The following PACS2 variants were observed in gnomAD, a reference collection of about 807,000 sequenced individuals.
PACS2 encodes the protein PACS1-like protein.
In PACS2, 36 loss-of-function variants were observed where a neutral mutation model predicts 113.0. The ratio of observed to expected loss-of-function variants is 0.32; its 90% CI spans 0.24 to 0.42. The LOEUF (loss-of-function observed/expected upper bound fraction) is 0.42. PACS2 is among the 10% of genes least tolerant of loss of function. The probability of loss-of-function intolerance (pLI) is 1.00; values close to 1 mark genes in which losing one functional copy is unlikely to be tolerated. For synonymous variants in PACS2, 589 were observed against 536.1 expected (o/e 1.10, Z -1.36); for missense variants, 1,015 against 1,239.5 (o/e 0.82, Z 2.72).
chr14:105,391,531 A>G, intron 21 of PACS2, 100 bp from the exon 22 acceptor site: 2 of 366,916 alleles, frequency 5.5e-6, no homozygotes, highest in South Asian at 4.1e-5. Context: ...GCCCACCCCC[A>G]GGAGCTGCCT....
Position 105,368,129 on chromosome 14 carries a change from C to T in PACS2, c.642C>T (p.Asp214=), listed in dbSNP as rs782133342. Residue 214 remains aspartate, a synonymous_variant, in exon 6 of 25, where the codon GAC becomes GAT. Transcript: ENST00000447393. ...TCTCCTCCGAGCAGGAGGCCAGTGACGACGCCGTGCAGGGGCAGGTGACCT... is the reference window on the plus strand; with the variant it reads ...TCTCCTCCGAGCAGGAGGCCAGTGATGACGCCGTGCAGGGGCAGGTGACCT... ...ESFSSEQEAS[D]DAVQGQDLDE... The T allele has an allele frequency of 9.9e-6, 16 of 1,609,482 alleles. No homozygotes were observed. In the East Asian group the frequency reaches 1.1e-4, roughly 11 times the overall value.
chr14:105,368,077 A>T lies in PACS2; in HGVS notation c.590A>T (p.Asn197Ile). The change falls in exon 6 of 25, where the codon AAC (asparagine) becomes ATC (isoleucine). Residue 197 changes from asparagine to isoleucine, a missense_variant. By Grantham distance (149) the Asn-to-Ile change is moderately radical. Transcript: ENST00000447393. ...CTTCTGTCTGTTCATTCCGCAGATAACTACTCCGAGGAGGAGTATGAGAGC... is the reference window on the plus strand; with the variant it reads ...CTTCTGTCTGTTCATTCCGCAGATATCTACTCCGAGGAGGAGTATGAGAGC... ...QAGPKAKSTD[N>I]YSEEEYESFS... The T allele has an allele frequency of 6.2e-7, 1 of 1,603,532 alleles. No homozygotes were observed. The highest frequency in any genetic ancestry group is 1.3e-5 in the African/African-American group (1 of 74,864).
chr14:105,349,450 G>A (rs1555403403), intron 2 of PACS2, among the ~76,000 whole-genome samples: 1 of 152,232 alleles, frequency 6.6e-6, no homozygotes, highest in Non-Finnish European at 1.5e-5. Context: ...TGGAGCCCAT[G>A]TCCAAGGCCC....
chr14:105,313,187 G>A (rs1426523065), upstream of PACS2, among the ~76,000 whole-genome samples: 7 of 152,168 alleles, frequency 4.6e-5, no homozygotes, highest in African/African-American at 1.2e-4. Context: ...TGTGTCAGGC[G>A]GCCCATCCGT....
At chr14:105,391,516 A>ACCCCCCCCCCCC in intron 21 of PACS2, 115 bp from the exon 22 acceptor site, 1 of 453,624 alleles carries the variant, frequency 2.2e-6, no homozygotes, top group Non-Finnish European at 4.1e-6. Context: ...GGGGACTCCC[A>ACCCCCCCCCCCC]CCCTGCCCAC....
At chr14:105,370,021 C>T in intron 8 of PACS2, 121 bp downstream of exon 8, 1 of 873,576 alleles carries the variant, frequency 1.1e-6, no homozygotes. Flanking sequence ...TCTGCACGGC[C>T]CCGCCAGCAT....
At chr14:105,362,851 AAAT>A (rs1379313115) in intron 4 of PACS2, among the ~76,000 whole-genome samples, 1 of 152,188 alleles carries the variant, frequency 6.6e-6, no homozygotes, top group Admixed American at 6.5e-5. Context: ...ACTCCAACTC[AAAT>A]AATAATAAGA....
At chr14:105,302,770 G>T (rs954791411) in intron 1 of PACS2, among the ~76,000 whole-genome samples, 1 of 151,750 alleles carries the variant, frequency 6.6e-6, no homozygotes, top group Non-Finnish European at 1.5e-5. Flanking sequence ...TGTAGAGATG[G>T]GTTTTTGCCT....
Position 105,376,047 on chromosome 14 carries a change from G to T in PACS2, c.802-721G>T, listed in dbSNP as rs1331034965. ...TATGGGGCAGCAGGTCGGAGTGGGT[G>T]CCTGCAGGGGAAATACAAGATGCTT... On this transcript the variant is annotated intron_variant, in intron 8 of 24. Coordinates refer to ENST00000447393, the MANE Select transcript of PACS2 (RefSeq NM_001100913.3). This position sits in a 1 kb window ranked among gnomAD's most constrained non-coding sequence, Gnocchi z 4.7. 6.6e-6 allele frequency among the ~76,000 whole-genome samples: 1 copy of T among 152,180 alleles called. No individual in the cohort carries two copies. The highest frequency in any genetic ancestry group is 2.1e-4 in the South Asian group (1 of 4,830).
chr14:105,365,283 G>A lies in PACS2; in HGVS notation c.424-1930G>A, dbSNP rs1220555198. Among the ~76,000 whole-genome samples, 1 of 152,228 alleles carries A rather than the reference G, an allele frequency of 6.6e-6. No individual in the cohort carries two copies. Among genetic ancestry groups the A allele is most frequent in the Non-Finnish European group, 1.5e-5 (1 of 68,040 alleles). On this transcript the variant is annotated intron_variant, in intron 4 of 24. Transcript: ENST00000447393. This position sits in a 1 kb window ranked among gnomAD's most constrained non-coding sequence, Gnocchi z 5.1. ...CAGCTCAGGGGTGGCTGGCCCCTTG[G>A]CAGGAGGACGCACGCCCCAAGGAGC...
Position 105,384,995 on chromosome 14 carries a change from G to C in PACS2, c.2000+8G>C. 1 of 1,501,566 alleles carries C rather than the reference G, an allele frequency of 6.7e-7. No individual in the cohort carries two copies. The highest frequency in any genetic ancestry group is 9.1e-7 in the Non-Finnish European group (1 of 1,099,666). 93.0% of individuals were successfully genotyped at this position (1,501,566 alleles called of 1,614,324 possible). On this transcript the variant is annotated splice_region_variant and intron_variant, in intron 18 of 24. Transcript: ENST00000447393. ...GACCTACAAGCAGAAGAGGTAACGCGGTGGGCCCAGGCACCATACCACAGG... is the reference window on the plus strand; with the variant it reads ...GACCTACAAGCAGAAGAGGTAACGCCGTGGGCCCAGGCACCATACCACAGG...
intron 1 of PACS2, among the ~76,000 whole-genome samples, chr14:105,347,534 T>G (rs1469766977): frequency 6.6e-6 from 1 of 152,092 alleles, no homozygotes; most frequent in Non-Finnish European, 1.5e-5. Context: ...GTGCCACAAG[T>G]CCAGACTTCC....
Position 105,356,794 on chromosome 14 carries a change from G to A in PACS2, c.423+1617G>A, listed in dbSNP as rs1303374086. Reference sequence around the variant, plus strand: ...AGGCGAGGTCCTGCTGATCCCTGCCGGTCCCTGTGTTTCCCATTAGCCATG... The same window carrying A: ...AGGCGAGGTCCTGCTGATCCCTGCCAGTCCCTGTGTTTCCCATTAGCCATG... On this transcript the variant is annotated intron_variant, in intron 4 of 24. Coordinates refer to ENST00000447393, the MANE Select transcript of PACS2 (RefSeq NM_001100913.3). This position sits in a 1 kb window ranked among gnomAD's most constrained non-coding sequence, Gnocchi z 4.0. Among the ~76,000 whole-genome samples, 1 of 151,090 alleles carries A rather than the reference G, an allele frequency of 6.6e-6. No individual in the cohort carries two copies. The highest frequency in any genetic ancestry group is 1.5e-5 in the Non-Finnish European group (1 of 67,814).
rs1453563755 is a variant in PACS2, at chr14:105,393,279, T to C, written c.2540T>C (p.Ile847Thr). Residue 847 changes from isoleucine (I) to threonine (T), a missense_variant, in exon 24 of 25, where the codon ATT becomes ACT. By Grantham distance (89) the Ile-to-Thr change is moderately conservative (BLOSUM62 -1). Transcript: ENST00000447393. ...DKDVESKSQC[I>T]EGISRLICTA... is the part of the protein sequence containing the mutation. ...GACGTGGAGTCTAAGAGCCAGTGCA[T>C]TGAGGGCATCAGCCGGCTCATCTGC... 2 of 1,612,826 alleles carry C rather than the reference T, an allele frequency of 1.2e-6. No individual in the cohort carries two copies. Among genetic ancestry groups the C allele is most frequent in the Non-Finnish European group, 1.7e-6 (2 of 1,179,966 alleles).
intron 11 of PACS2, among the ~76,000 whole-genome samples, chr14:105,380,751 G>T (rs2080963299): frequency 6.6e-6 from 1 of 152,240 alleles, no homozygotes; most frequent in Non-Finnish European, 1.5e-5. Flanking sequence ...TTGGGGGCTG[G>T]TCACCCTGCA....
intron 16 of PACS2, 143 bp downstream of exon 16, chr14:105,383,656 G>A (rs1007036996): frequency 2.4e-5 from 16 of 667,580 alleles, no homozygotes; most frequent in East Asian, 8.5e-5. Context: ...GTGGCATGGC[G>A]TGGTGTCCCT....
rs890602638 is a variant in PACS2, at chr14:105,315,257, C to T, written c.119+220C>T. 5.9e-6 allele frequency: 1 copy of T among 168,860 alleles called. No individual in the cohort carries two copies. The highest frequency in any genetic ancestry group is 1.2e-5 in the Non-Finnish European group (1 of 81,374). The allele number at this position is 168,860 out of a possible 1,614,324, so 10.5% of individuals were successfully genotyped here. On this transcript the variant is annotated intron_variant, in intron 1 of 24. Transcript: ENST00000447393. The surrounding 1 kb of genome is among the most constrained non-coding windows in gnomAD (Gnocchi z 4.4). ...GGTCCCGAGCACCGGGGGCCGCGCT[C>T]AGCTTCCGAGGACCCGGTGCTGCTC...
intron 3 of PACS2, 24 bp downstream of exon 3, chr14:105,352,491 G>A (rs1283794690): frequency 2.7e-6 from 4 of 1,455,504 alleles, no homozygotes; most frequent in Non-Finnish European, 2.9e-6. Context: ...CAGTGGTGAC[G>A]ACACCCTCAT....
intron 1 of PACS2, among the ~76,000 whole-genome samples, chr14:105,305,931 C>T (rs113705671): frequency 6.6e-4 from 101 of 152,370 alleles, no homozygotes; most frequent in African/African-American, 2.4e-3. Flanking sequence ...ACGCTGGAAA[C>T]GTGCAGTGAT....
Sources: gnomAD v4.1 joint callset for allele counts (sites outside exome capture counted in the v4.1 genomes callset) on GRCh38, gnomAD v4.1.1 for gene constraint, Gnocchi (gnomAD v3.1) non-coding constraint, MANE v1.5 for transcripts, NCBI Gene and HGNC (gene_info 2026-07-23, HGNC 2026-07-21) for gene names.